AKNA: variants seen among roughly 807,000 people sequenced by gnomAD.
The protein encoded by AKNA is microtubule organization protein AKNA.
A neutral mutation model predicts 138.8 loss-of-function variants in AKNA; 67 were observed. The ratio of observed to expected loss-of-function variants is 0.48; its 90% CI spans 0.40 to 0.59. The LOEUF is 0.59. Among genes scored for constraint, AKNA ranks in the 20% least tolerant of loss-of-function variants. AKNA has a pLI of 0.00. For synonymous variants in AKNA, 737 were observed against 754.4 expected (o/e 0.98, Z 0.38); for missense variants, 1,813 against 1,880.4 (o/e 0.96, Z 0.66).
intron 2 of AKNA, among the ~76,000 whole-genome samples, chr9:114,380,811 T>TAAA (rs1383253282): frequency 1.1e-5 from 1 of 92,418 alleles, no homozygotes; most frequent in African/African-American, 3.7e-5. Flanking sequence ...CCGTCTCTAC[T>TAAA]AAAAAAAGAA....
At chr9:114,353,788 C>G (rs1831299141) in intron 14 of AKNA, among the ~76,000 whole-genome samples, 1 of 152,116 alleles carries the variant, frequency 6.6e-6, no homozygotes, top group South Asian at 2.1e-4. Context: ...ATTTGTGTAT[C>G]TAAACATAGA....
chr9:114,371,413 C>T (rs1227839794), intron 4 of AKNA, among the ~76,000 whole-genome samples: 1 of 152,260 alleles, frequency 6.6e-6, no homozygotes, highest in Non-Finnish European at 1.5e-5. Flanking sequence ...TCACCTATGA[C>T]CATTCTTATT....
At position 114,376,254 on chromosome 9, in the gene AKNA, T is replaced by C. The variant is rs1406786653; in HGVS notation, c.1341+212A>G. ...CCCAGGCCTCCCCACCCCACTGGCC[T>C]CCATCCCAGGGCTTCCCACCCTAGC... is the stretch of plus-strand genomic sequence containing the variant. On this transcript the variant is annotated intron_variant, in intron 3 of 21. Coordinates refer to ENST00000374088, the MANE Select transcript of AKNA (RefSeq NM_001317950.2). 1.4e-5 allele frequency: 4 copies of C among 291,908 alleles called. No homozygotes were observed. In the East Asian group the frequency reaches 3.6e-4, roughly 26 times the overall value. 18.1% of individuals were successfully genotyped at this position (291,908 alleles called of 1,614,324 possible). A position where few individuals can be genotyped will look rare whatever the true frequency, so the allele number is the denominator to read the frequency against.
chr9:114,362,558 A>C (rs758824199), intron 7 of AKNA, 25 bp from the exon 8 acceptor site: 28 of 1,609,782 alleles, frequency 1.7e-5, no homozygotes, highest in Non-Finnish European at 1.8e-5. Context: ...GGCCAGGAAG[A>C]CTTGAGTGCT....
chr9:114,342,066 G>A lies in AKNA; in HGVS notation c.3817C>T (p.Leu1273=). The A allele has an allele frequency of 1.2e-6, 2 of 1,613,790 alleles. No homozygotes were observed. ...PPPADTLQCP[L]CGQVGSPPEA... ...GGGGGAGACCCAACTTGACCACACA[G>A]GGGACACTGAAGGGTATCAGCGGGA... Residue 1273 remains leucine, a synonymous_variant, in exon 20 of 22, where the codon CTG becomes TTG. Transcript: ENST00000374088.
chr9:114,383,252 C>G (rs1016956859), intron 1 of AKNA: 5 of 455,254 alleles, frequency 1.1e-5, no homozygotes, highest in Admixed American at 7.1e-5. Context: ...AGGGCTCCTC[C>G]GCTGCCTTCC....
upstream of AKNA, among the ~76,000 whole-genome samples, chr9:114,395,591 C>T (rs755325841): frequency 3.9e-5 from 6 of 151,926 alleles, no homozygotes; most frequent in Non-Finnish European, 5.9e-5. Context: ...CTTCCCAAAT[C>T]GCATACTTTA....
chr9:114,374,579 G>A (rs1338322882), intron 3 of AKNA, among the ~76,000 whole-genome samples: 2 of 152,202 alleles, frequency 1.3e-5, no homozygotes, highest in African/African-American at 4.8e-5. Flanking sequence ...ATGTGCTTAA[G>A]AAGTACCTGA....
At chr9:114,340,594 C>T (rs536973057) in intron 21 of AKNA, among the ~76,000 whole-genome samples, 2 of 152,124 alleles carry the variant, frequency 1.3e-5, no homozygotes, top group South Asian at 2.1e-4. Flanking sequence ...GGATTAAGTA[C>T]GTGGTTGAGA....
At chr9:114,343,922 C>T in intron 18 of AKNA, 119 bp from the exon 19 acceptor site, 3 of 869,304 alleles carry the variant, frequency 3.5e-6, no homozygotes, top group Non-Finnish European at 5.4e-6. Context: ...CTGTCTCTCT[C>T]TCACGTGTGC....
At chr9:114,350,833 C>A in intron 15 of AKNA, 26 bp downstream of exon 15, 1 of 1,522,550 alleles carries the variant, frequency 6.6e-7, no homozygotes, top group Non-Finnish European at 8.8e-7. Flanking sequence ...GAGCTTGAAT[C>A]CCCAGGATCC....
chr9:114,355,819 G>T, intron 14 of AKNA, 106 bp downstream of exon 14: 1 of 1,196,366 alleles, frequency 8.4e-7, no homozygotes, highest in East Asian at 2.6e-5. Flanking sequence ...TCAAATTTCA[G>T]TACAATGAAC....
chr9:114,392,927 T>TGAG (rs1834399237), upstream of AKNA, among the ~76,000 whole-genome samples: 1 of 152,188 alleles, frequency 6.6e-6, no homozygotes, highest in African/African-American at 2.4e-5. Context: ...ATAAGGGTTA[T>TGAG]GAGGAGGGTG....
At chr9:114,361,682 A>G (rs1831972265) in intron 9 of AKNA, 22 bp downstream of exon 9, 2 of 1,611,984 alleles carry the variant, frequency 1.2e-6, no homozygotes, top group African/African-American at 2.7e-5. Context: ...GAACAGCCCA[A>G]TATGGTTGAG....
upstream of AKNA, among the ~76,000 whole-genome samples, chr9:114,390,526 G>A (rs1220901413): frequency 6.6e-6 from 1 of 152,094 alleles, no homozygotes; most frequent in African/African-American, 2.4e-5. Context: ...GCATCCCCAC[G>A]TGGGTCCCTG....
chr9:114,391,964 A>G (rs1222837548), upstream of AKNA, among the ~76,000 whole-genome samples: 1 of 150,520 alleles, frequency 6.6e-6, no homozygotes, highest in African/African-American at 2.4e-5. Context: ...AGTCATGTGC[A>G]TGGCTGTGTC....
At chr9:114,387,643 G>C (rs1203619796) in intron 1 of AKNA, among the ~76,000 whole-genome samples, 1 of 152,190 alleles carries the variant, frequency 6.6e-6, no homozygotes, top group Non-Finnish European at 1.5e-5. Flanking sequence ...AGCTAGGACT[G>C]GAATCTAGCA....
At position 114,361,708 on chromosome 9, in the gene AKNA, G is replaced by A. The variant is rs2131930511; in HGVS notation, c.2120C>T (p.Pro707Leu). ...APMPAIKTSC[P>L]EPATTTAAAS... ...TATGGTTGAGCCAAGAGGTACCTCA[G>A]GGCAGGAGGTCTTGATGGCTGGCAT... is the stretch of plus-strand genomic sequence containing the variant. Residue 707 changes from proline (P) to leucine (L), a missense_variant, in exon 9 of 22, where the codon CCT becomes CTT. Transcript: ENST00000374088. The A allele has an allele frequency of 6.2e-7, 1 of 1,613,054 alleles. No homozygotes were observed. Among genetic ancestry groups the A allele is most frequent in the East Asian group, 2.2e-5 (1 of 44,894 alleles).
At chr9:114,350,004 A>G (rs976401382) in intron 15 of AKNA, among the ~76,000 whole-genome samples, 2 of 152,116 alleles carry the variant, frequency 1.3e-5, no homozygotes, top group African/African-American at 2.4e-5. Flanking sequence ...CTCTGCCATC[A>G]TGGTATTTAT....
Sources: gnomAD v4.1 joint callset for allele counts (sites outside exome capture counted in the v4.1 genomes callset) on GRCh38, gnomAD v4.1.1 for gene constraint, MANE v1.5 for transcripts, NCBI Gene and HGNC (gene_info 2026-07-23, HGNC 2026-07-21) for gene names.